DLGAP1: variants seen among roughly 807,000 people sequenced by gnomAD.
DLGAP1 encodes the protein DLG associated protein 1.
A neutral mutation model predicts 90.8 loss-of-function variants in DLGAP1; 11 were observed. The ratio of observed to expected loss-of-function variants is 0.12; its 90% CI spans 0.08 to 0.20. DLGAP1 has a LOEUF of 0.20. DLGAP1 is among the 10% of genes least tolerant of loss of function. The probability of loss-of-function intolerance (pLI) is 1.00; values close to 1 mark genes in which losing one functional copy is unlikely to be tolerated. For synonymous variants in DLGAP1, 558 were observed against 540.7 expected (o/e 1.03, Z -0.44); for missense variants, 1,050 against 1,333.8 (o/e 0.79, Z 3.31).
At chr18:3,600,845 T>G (rs1458633610) in intron 7 of DLGAP1, among the ~76,000 whole-genome samples, 21 of 97,306 alleles carry the variant, frequency 2.2e-4, no homozygotes, top group African/African-American at 7.1e-4. Flanking sequence ...TAGATATATA[T>G]AGATATATAG....
chr18:3,660,710 T>C lies in DLGAP1; in HGVS notation c.1591+68425A>G, dbSNP rs113408280. On this transcript the variant is annotated intron_variant, in intron 7 of 12. Coordinates refer to ENST00000315677, the MANE Select transcript of DLGAP1 (RefSeq NM_004746.4). The surrounding 1 kb of genome is among the most constrained non-coding windows in gnomAD (Gnocchi z 4.2). ...AATCTATGTGCAGAGTGAATACATA[T>C]AACTTGCAGTAAATATTTAGGTGTT... is the stretch of plus-strand genomic sequence containing the variant. Among the ~76,000 whole-genome samples, 15 of 152,260 alleles carry C rather than the reference T, an allele frequency of 9.9e-5. No individual in the cohort carries two copies. Among genetic ancestry groups the C allele is most frequent in the African/African-American group, 3.6e-4 (15 of 41,464 alleles).
At chr18:4,253,571 A>G (rs1451520533) in intron 1 of DLGAP1, among the ~76,000 whole-genome samples, 3 of 151,944 alleles carry the variant, frequency 2.0e-5, no homozygotes, top group African/African-American at 7.3e-5. Flanking sequence ...CCACCATGAC[A>G]GCTAATTTTT....
chr18:3,985,259 T>C (rs1418420893), intron 3 of DLGAP1, among the ~76,000 whole-genome samples: 1 of 152,228 alleles, frequency 6.6e-6, no homozygotes, highest in Non-Finnish European at 1.5e-5. Context: ...GTTATTGCTT[T>C]CAGTTTCATT....
chr18:4,413,787 A>T (rs1314156621), intron 1 of DLGAP1, among the ~76,000 whole-genome samples: 2 of 152,174 alleles, frequency 1.3e-5, no homozygotes, highest in African/African-American at 2.4e-5. Flanking sequence ...TCTCTTTCTT[A>T]TCTGGGGGTT....
chr18:4,121,824 T>C (rs956044284), intron 2 of DLGAP1, among the ~76,000 whole-genome samples: 6 of 152,178 alleles, frequency 3.9e-5, no homozygotes, highest in Non-Finnish European at 8.8e-5. Context: ...TCTTTAACAG[T>C]AGGAATATAA....
chr18:3,781,130 A>G (rs1026379916), intron 5 of DLGAP1, among the ~76,000 whole-genome samples: 2 of 152,172 alleles, frequency 1.3e-5, no homozygotes, highest in African/African-American at 4.8e-5. Flanking sequence ...GCCTGGCCCA[A>G]TGTTTATTTT....
chr18:4,162,723 G>T (rs2076867440), intron 1 of DLGAP1, among the ~76,000 whole-genome samples: 1 of 152,008 alleles, frequency 6.6e-6, no homozygotes, highest in Non-Finnish European at 1.5e-5. Flanking sequence ...GTAATAAAGT[G>T]GCAAAATTGA....
intron 1 of DLGAP1, among the ~76,000 whole-genome samples, chr18:4,377,125 C>A (rs917427601): frequency 2.0e-5 from 3 of 152,068 alleles, no homozygotes; most frequent in Non-Finnish European, 4.4e-5. Flanking sequence ...TTATGCATTT[C>A]CCATTCTCAC....
At chr18:4,255,508 A>T (rs1226506539) in intron 1 of DLGAP1, among the ~76,000 whole-genome samples, 3 of 128,326 alleles carry the variant, frequency 2.3e-5, no homozygotes, top group East Asian at 1.9e-4. Flanking sequence ...GATGAAAAAA[A>T]AAATATATAT....
chr18:4,019,775 G>A (rs1246883272), intron 2 of DLGAP1, among the ~76,000 whole-genome samples: 2 of 152,130 alleles, frequency 1.3e-5, no homozygotes, highest in Non-Finnish European at 2.9e-5. Flanking sequence ...CCTGTCCAAG[G>A]AATCTAGGAA....
chr18:3,605,131 A>G (rs1377305033), intron 7 of DLGAP1, among the ~76,000 whole-genome samples: 5 of 152,162 alleles, frequency 3.3e-5, no homozygotes, highest in Admixed American at 6.5e-5. Flanking sequence ...CACCCTTTTC[A>G]GGTCTCAGAA....
At chr18:3,846,306 CCTAAAACTTTCCTCTA>C (rs2069011157) in intron 4 of DLGAP1, among the ~76,000 whole-genome samples, 1 of 152,038 alleles carries the variant, frequency 6.6e-6, no homozygotes, top group Non-Finnish European at 1.5e-5. Flanking sequence ...AAAACCAAAC[CCTAAAACTTTCCTCTA>C]CTGAATTAAT....
At chr18:3,881,345 A>G (rs4797127) in intron 3 of DLGAP1, among the ~76,000 whole-genome samples, 47,953 of 151,974 alleles carry the variant, frequency 0.32, 8,861 homozygotes, top group South Asian at 0.54. Flanking sequence ...CTACATGTTA[A>G]TTGTTAAAGA....
chr18:3,779,203 T>C (rs894410765), intron 5 of DLGAP1, among the ~76,000 whole-genome samples: 5 of 152,174 alleles, frequency 3.3e-5, no homozygotes, highest in African/African-American at 9.7e-5. Context: ...CATGGAAGGA[T>C]TAATCCTTAA....
At chr18:3,699,307 G>A (rs1441425120) in intron 7 of DLGAP1, among the ~76,000 whole-genome samples, 1 of 152,096 alleles carries the variant, frequency 6.6e-6, no homozygotes, top group Non-Finnish European at 1.5e-5. Context: ...TTTGATGTTG[G>A]TGACTTTCAG....
chr18:4,413,198 T>C (rs1299077145), intron 1 of DLGAP1, among the ~76,000 whole-genome samples: 1 of 152,064 alleles, frequency 6.6e-6, no homozygotes, highest in Non-Finnish European at 1.5e-5. Flanking sequence ...CTAGTATTGG[T>C]AGGAGAGAAA....
At chr18:4,232,369 G>A (rs2078317840) in intron 1 of DLGAP1, among the ~76,000 whole-genome samples, 1 of 152,094 alleles carries the variant, frequency 6.6e-6, no homozygotes, top group Non-Finnish European at 1.5e-5. Context: ...TTAGTCAGAA[G>A]TCAGTGCACA....
rs535514475 is a variant in DLGAP1, at chr18:3,744,867, A to G, written c.1173-2355T>C. On this transcript the variant is annotated intron_variant, in intron 5 of 12. Transcript: ENST00000315677. ...TAAATCTCCATAGAAATTTTATTCAAATGTAACAAACTCATTTTAAAGTTT... is the reference window on the plus strand; with the variant it reads ...TAAATCTCCATAGAAATTTTATTCAGATGTAACAAACTCATTTTAAAGTTT... Among the ~76,000 whole-genome samples, 11 of 152,306 alleles carry G rather than the reference A, an allele frequency of 7.2e-5. No individual in the cohort carries two copies. In the East Asian group the frequency reaches 1.7e-3, roughly 24 times the overall value.
chr18:3,917,293 G>C (rs1555707503), intron 3 of DLGAP1, among the ~76,000 whole-genome samples: 1 of 152,210 alleles, frequency 6.6e-6, no homozygotes, highest in Non-Finnish European at 1.5e-5. Context: ...TGCGGTGTTT[G>C]TTATAGAAGG....
Sources: allele counts gnomAD v4.1 joint callset (sites outside exome capture counted in the v4.1 genomes callset), GRCh38; gene constraint gnomAD v4.1.1; non-coding constraint Gnocchi (gnomAD v3.1); transcripts MANE v1.5; gene names NCBI Gene and HGNC (gene_info 2026-07-23, HGNC 2026-07-21).